Variants in PITPNM3 observed in about 807,000 individuals in gnomAD.
PITPNM3 encodes the protein membrane-associated phosphatidylinositol transfer protein 3.
A neutral mutation model predicts 102.0 loss-of-function variants in PITPNM3; 26 were observed. The ratio of observed to expected loss-of-function variants is 0.25; its 90% CI spans 0.19 to 0.35. PITPNM3 has a LOEUF of 0.35. PITPNM3 is among the 10% of genes least tolerant of loss of function. The pLI is 1.00. For missense variants in PITPNM3, 1,083 were observed against 1,346.1 expected, an observed-to-expected ratio of 0.80 and a Z score of 3.06; for synonymous variants, 578 against 558.6, an observed-to-expected ratio of 1.03 and a Z score of -0.49.
rs570375031 is a variant in PITPNM3 at position 6,454,762 on chromosome 17, A to G, written c.*576T>C. 1,306 of 150,750 alleles carry G rather than the reference A, an allele frequency of 8.7e-3. 10 individuals are homozygous for G. Among genetic ancestry groups the G allele is most frequent in the Non-Finnish European group, 0.014 (974 of 67,808 alleles). 9.3% of individuals were successfully genotyped at this position (150,750 alleles called of 1,614,324 possible). On this transcript the variant is annotated 3_prime_UTR_variant, in exon 20 of 20. Transcript: ENST00000262483. ...CCGTCAGCACCAGACCCCACCCCCGAGGGCTGTGGACAGAGACGGCGTAAC... is the reference window on the plus strand; with the variant it reads ...CCGTCAGCACCAGACCCCACCCCCGGGGGCTGTGGACAGAGACGGCGTAAC...
rs1290254588 is a variant in PITPNM3 at position 6,469,766 on chromosome 17, C to T, written c.1773+494G>A. 1.3e-5 allele frequency among the ~76,000 whole-genome samples: 2 copies of T among 152,334 alleles called. No homozygotes were observed. The highest frequency in any genetic ancestry group is 1.9e-4 in the East Asian group (1 of 5,180). On this transcript the variant is annotated intron_variant, in intron 13 of 19. Coordinates refer to ENST00000262483, the MANE Select transcript of PITPNM3 (RefSeq NM_031220.4). The surrounding 1 kb of genome is among the most constrained non-coding windows in gnomAD (Gnocchi z 4.0). Reference sequence around the variant, plus strand: ...AGCCAGTTGCTATTTCTTCCTTGCTCACAGCCCTGCAATGGCTTCCCGTTG... The same window carrying T: ...AGCCAGTTGCTATTTCTTCCTTGCTTACAGCCCTGCAATGGCTTCCCGTTG...
intron 1 of PITPNM3, among the ~76,000 whole-genome samples, chr17:6,539,334 T>C (rs1288782512): frequency 1.3e-5 from 2 of 152,064 alleles, no homozygotes; most frequent in Non-Finnish European, 2.9e-5. Flanking sequence ...ATTTTCCAAA[T>C]GTATGTGGAG....
chr17:6,479,917 A>G (rs537628632), intron 6 of PITPNM3: 145 of 152,326 alleles, frequency 9.5e-4, no homozygotes, highest in African/African-American at 3.3e-3. Flanking sequence ...GGCCCCATGA[A>G]TGAATGGCCA....
rs368515060 is a variant in PITPNM3 at position 6,463,872 on chromosome 17, C to G, written c.2166G>C (p.Gln722His). The change falls in exon 17 of 20, where the codon CAG becomes CAC. Residue 722 changes from glutamine to histidine, a missense_variant. Physicochemically the swap from Gln to His is conservative, Grantham distance 24. Around this residue, in one of 5 missense-constraint regions of PITPNM3, gnomAD observed 410 missense variants for 638.4 expected, o/e 0.64. Coordinates refer to ENST00000262483, the MANE Select transcript of PITPNM3 (RefSeq NM_031220.4). ...YPVKMVVRGD[Q>H]TCAMSYLTVL... ...CCGTGAGGTAGCTCATGGCACAGGT[C>G]TGGTCGCCCCTGAAAGAAACCTGCC... 36 of 1,613,914 alleles carry G rather than the reference C, an allele frequency of 2.2e-5. No homozygotes were observed. Among genetic ancestry groups the G allele is most frequent in the Non-Finnish European group, 2.8e-5 (33 of 1,179,996 alleles).
intron 1 of PITPNM3, among the ~76,000 whole-genome samples, chr17:6,554,318 C>CA (rs35188321): frequency 0.057 from 4,218 of 74,262 alleles, 156 homozygotes; most frequent in Middle Eastern, 0.12. Flanking sequence ...GACTCCATCT[C>CA]AAAAAAAAAA....
At chr17:6,492,910 TA>T (rs113985549) in intron 4 of PITPNM3, among the ~76,000 whole-genome samples, 99 of 142,414 alleles carry the variant, frequency 7.0e-4, no homozygotes, top group Middle Eastern at 3.6e-3. Context: ...TCCAAGGACT[TA>T]AAAAAAAAAA....
Position 6,464,200 on chromosome 17 carries a change from AC to A in PITPNM3, c.2125del (p.Val709LeufsTer6), listed in dbSNP as rs1484289271. The A allele has an allele frequency of 6.2e-7, 1 of 1,614,080 alleles. No homozygotes were observed. The highest frequency in any genetic ancestry group is 1.1e-5 in the South Asian group (1 of 91,072). ...GACCATCTTCACAGGATAGACACCA[AC>A]CCCCAGGCGCCGGGGCCGCGGCACA... ...YNVPRPRRLG[V>X]GVYPVKMVVR... On this transcript the variant is annotated frameshift_variant, in exon 16 of 20. Transcript: ENST00000262483. LOFTEE classifies it high-confidence loss of function.
chr17:6,488,582 C>T (rs996539403), intron 4 of PITPNM3, among the ~76,000 whole-genome samples: 6 of 152,136 alleles, frequency 3.9e-5, no homozygotes, highest in African/African-American at 1.4e-4. Flanking sequence ...TGCCATTAAA[C>T]CCCCAGGAGA....
intron 2 of PITPNM3, among the ~76,000 whole-genome samples, chr17:6,526,531 T>C (rs1397378636): frequency 6.6e-6 from 1 of 152,230 alleles, no homozygotes; most frequent in African/African-American, 2.4e-5. Context: ...GGAATCAATA[T>C]GGTGCATCTG....
At chr17:6,467,136 G>A (rs1381362080) in intron 14 of PITPNM3, among the ~76,000 whole-genome samples, 1 of 151,058 alleles carries the variant, frequency 6.6e-6, no homozygotes, top group African/African-American at 2.4e-5. Context: ...GTAGTGAATG[G>A]ATAAGCAAAA....
intron 1 of PITPNM3, among the ~76,000 whole-genome samples, chr17:6,549,604 G>A (rs1910201453): frequency 6.6e-6 from 1 of 152,218 alleles, no homozygotes; most frequent in Admixed American, 6.5e-5. Context: ...CCCTGGAGGT[G>A]GCATTTACCT....
In PITPNM3 at chr17:6,472,682, C is replaced by T; in HGVS notation, c.1404G>A (p.Leu468=). The change falls in exon 11 of 20, where the codon CTG becomes CTA. Residue 468 remains leucine (L), a synonymous_variant. Coordinates refer to ENST00000262483, the MANE Select transcript of PITPNM3 (RefSeq NM_031220.4). The surrounding 1 kb of genome is among the most constrained non-coding windows in gnomAD (Gnocchi z 4.1). The part of the protein sequence containing the change: ...VSVPRYQRFP[L]GDGQSLLLAD... ...CGAGGAGGAGGGACTGCCCATCGCC[C>T]AGTGGGAACCTCTGGTAGCGAGGCA... 6.2e-7 allele frequency: 1 copy of T among 1,613,642 alleles called. No homozygotes were observed. The highest frequency in any genetic ancestry group is 8.5e-7 in the Non-Finnish European group (1 of 1,179,924).
At chr17:6,485,459 A>G (rs777776659) in intron 4 of PITPNM3, among the ~76,000 whole-genome samples, 52 of 152,226 alleles carry the variant, frequency 3.4e-4, no homozygotes, top group Non-Finnish European at 3.1e-4. Flanking sequence ...TGCCTGGCCA[A>G]TAAGTCTCTT....
chr17:6,471,675 C>T (rs1342485877), intron 11 of PITPNM3, among the ~76,000 whole-genome samples: 4 of 152,246 alleles, frequency 2.6e-5, no homozygotes, highest in Admixed American at 6.5e-5. Context: ...GACGTTGCCC[C>T]AAAAGCACCA....
In PITPNM3 at chr17:6,470,190, C is replaced by T. The variant is rs1310852145; in HGVS notation, c.1773+70G>A. Reference sequence around the variant, plus strand: ...ACAGTGTCTGCAAGAATAGCCTCCTCTCCAGCTGGAGAAGGGGCGGTACCC... The same window carrying T: ...ACAGTGTCTGCAAGAATAGCCTCCTTTCCAGCTGGAGAAGGGGCGGTACCC... On this transcript the variant is annotated intron_variant, in intron 13 of 19. Coordinates refer to ENST00000262483, the MANE Select transcript of PITPNM3 (RefSeq NM_031220.4). This position sits in a 1 kb window ranked among gnomAD's most constrained non-coding sequence, Gnocchi z 4.8. The T allele has an allele frequency of 2.7e-6, 4 of 1,491,946 alleles. No individual in the cohort carries two copies. Among genetic ancestry groups the T allele is most frequent in the Non-Finnish European group, 3.6e-6 (4 of 1,098,148 alleles). 92.4% of individuals were successfully genotyped at this position (1,491,946 alleles called of 1,614,324 possible). A position where few individuals can be genotyped will look rare whatever the true frequency, so the allele number is the denominator to read the frequency against.
chr17:6,471,764 C>T (rs1567664780), intron 11 of PITPNM3, among the ~76,000 whole-genome samples: 1 of 152,094 alleles, frequency 6.6e-6, no homozygotes, highest in Non-Finnish European at 1.5e-5. Context: ...ATTGAGGCTG[C>T]CTCTGGAAGG....
At position 6,454,937 on chromosome 17, in the gene PITPNM3, G is replaced by A. The variant is rs1231303957; in HGVS notation, c.*401C>T. The A allele has an allele frequency of 1.3e-5, 3 of 224,564 alleles. No individual in the cohort carries two copies. Among genetic ancestry groups the A allele is most frequent in the Non-Finnish European group, 2.6e-5 (3 of 114,734 alleles). The allele number at this position is 224,564 out of a possible 1,614,324, so 13.9% of individuals were successfully genotyped here. A position where few individuals can be genotyped will look rare whatever the true frequency, so the allele number is the denominator to read the frequency against. On this transcript the variant is annotated 3_prime_UTR_variant, in exon 20 of 20. Coordinates refer to ENST00000262483, the MANE Select transcript of PITPNM3 (RefSeq NM_031220.4). Reference sequence around the variant, plus strand: ...CAGCCCAGAGGCTGTGCCTGCCAGCGGCGCTTGGTGCCGAGGCTGGGGCTG... The same window carrying A: ...CAGCCCAGAGGCTGTGCCTGCCAGCAGCGCTTGGTGCCGAGGCTGGGGCTG...
At chr17:6,486,863 ACT>A (rs1906124655) in intron 4 of PITPNM3, among the ~76,000 whole-genome samples, 1 of 151,926 alleles carries the variant, frequency 6.6e-6, no homozygotes, top group Non-Finnish European at 1.5e-5. Flanking sequence ...CCCCACAATT[ACT>A]CTCTGAGTCT....
At chr17:6,550,448 C>T (rs1910246117) in intron 1 of PITPNM3, among the ~76,000 whole-genome samples, 1 of 152,186 alleles carries the variant, frequency 6.6e-6, no homozygotes, top group Admixed American at 6.5e-5. Context: ...TCTCAGAATT[C>T]CTGGAAGGCA....
Sources: gnomAD v4.1 joint callset for allele counts (sites outside exome capture counted in the v4.1 genomes callset) on GRCh38, gnomAD v4.1.1 for gene constraint, gnomAD v4.1.1 regional missense constraint, Gnocchi (gnomAD v3.1) non-coding constraint, MANE v1.5 for transcripts, NCBI Gene and HGNC (gene_info 2026-07-23, HGNC 2026-07-21) for gene names.